Variants in STARD8 observed in about 807,000 individuals in gnomAD.
STARD8 encodes the protein StAR related lipid transfer domain containing 8, also known as stAR-related lipid transfer protein 8.
A neutral mutation model predicts 69.4 loss-of-function variants in STARD8; 25 were observed. The ratio of observed to expected loss-of-function variants is 0.36; its 90% CI spans 0.26 to 0.50. The LOEUF is 0.50. STARD8 is among the 20% of genes least tolerant of loss of function. STARD8 has a pLI of 0.96. For synonymous variants in STARD8, 389 were observed against 374.6 expected, an observed-to-expected ratio of 1.04 and a Z score of -0.45; for missense variants, 921 against 932.5, an observed-to-expected ratio of 0.99 and a Z score of 0.16.
chrX:68,663,809 C>T (rs934606971), intron 1 of STARD8, among the ~76,000 whole-genome samples: 2 of 111,767 alleles, frequency 1.8e-5, no homozygotes, highest in African/African-American at 6.5e-5. Context: ...TTGTAGCAAA[C>T]TTTCATATCT....
Position 68,722,322 on chromosome X carries a change from G to A in STARD8, c.2575-100G>A. On this transcript the variant is annotated intron_variant, in intron 11 of 14. Coordinates refer to ENST00000374599, the MANE Select transcript of STARD8 (RefSeq NM_001142503.3). ...CAATGTTTCTCATCTACCTTGCTGTGGTAGCTGCACCTCTCCACTGCCCTT... is the reference window on the plus strand; with the variant it reads ...CAATGTTTCTCATCTACCTTGCTGTAGTAGCTGCACCTCTCCACTGCCCTT... The A allele has an allele frequency of 1.1e-5, 10 of 872,934 alleles. No homozygotes were observed. In the South Asian group the frequency reaches 1.8e-4, roughly 15 times the overall value. 71.9% of individuals were successfully genotyped at this position (872,934 alleles called of 1,213,427 possible). A position where few individuals can be genotyped will look rare whatever the true frequency, so the allele number is the denominator to read the frequency against.
chrX:68,693,966 G>A (rs1481094902), intron 2 of STARD8: 1 of 437,926 alleles, frequency 2.3e-6, no homozygotes, highest in African/African-American at 2.6e-5. Context: ...GCAAGAGACA[G>A]GGAGGAAGCG....
rs968332662 is a variant in STARD8 at position 68,647,680 on chromosome X, A to G, written c.-203A>G. On this transcript the variant is annotated 5_prime_UTR_variant, in exon 1 of 15. Coordinates refer to ENST00000374599, the MANE Select transcript of STARD8 (RefSeq NM_001142503.3). ...TTCCCTCCCTCGGTGGCCTTCCAGG[A>G]GGCGGGAGGCGCCCGCTGTCGAGGC... 2 of 441,968 alleles carry G rather than the reference A, an allele frequency of 4.5e-6. No homozygotes were observed. Among genetic ancestry groups the G allele is most frequent in the South Asian group, 7.6e-5 (2 of 26,290 alleles). 36.4% of individuals were successfully genotyped at this position (441,968 alleles called of 1,213,427 possible). A position where few individuals can be genotyped will look rare whatever the true frequency, so the allele number is the denominator to read the frequency against.
At chrX:68,682,827 G>A (rs1010618304) in intron 2 of STARD8, among the ~76,000 whole-genome samples, 5 of 112,601 alleles carry the variant, frequency 4.4e-5, no homozygotes, top group African/African-American at 9.7e-5. Context: ...TGCCACCTGC[G>A]TTAACTGGGC....
At chrX:68,655,017 G>A (rs1468502524) in intron 1 of STARD8, among the ~76,000 whole-genome samples, 1 of 112,113 alleles carries the variant, frequency 8.9e-6, no homozygotes, top group Non-Finnish European at 1.9e-5. Flanking sequence ...AGGGGCAGGG[G>A]GAGTATAGAG....
At position 68,660,926 on chromosome X, in the gene STARD8, G is replaced by C. The variant is rs753188507; in HGVS notation, c.46-4573G>C. ...CCACTCTGGAAGAAGGGAGGGCCAA[G>C]CTGTGAATAGGGCTCTGTGTGGCCC... is the stretch of plus-strand genomic sequence containing the variant. On this transcript the variant is annotated intron_variant, in intron 1 of 14. Coordinates refer to ENST00000374599, the MANE Select transcript of STARD8 (RefSeq NM_001142503.3). Among the ~76,000 whole-genome samples, 318 of 112,143 alleles carry C rather than the reference G, an allele frequency of 2.8e-3. 2 individuals are homozygous for C. The highest frequency in any genetic ancestry group is 8.7e-3 in the African/African-American group (269 of 30,863).
chrX:68,672,135 T>A lies in STARD8; in HGVS notation c.79+6603T>A, dbSNP rs1277194679. On this transcript the variant is annotated intron_variant, in intron 2 of 14. Transcript: ENST00000374599. ...TATGGTGAAGCATCCTTTTTCATTC[T>A]ATACTGTTAAAAGTTCTTTATATTG... is the stretch of plus-strand genomic sequence containing the variant. 4.5e-5 allele frequency among the ~76,000 whole-genome samples: 5 copies of A among 111,736 alleles called. No homozygotes were observed. The East Asian group carries it at 1.4e-3, about 31-fold the overall frequency.
intron 4 of STARD8, 108 bp from the exon 5 acceptor site, chrX:68,716,260 C>A: frequency 1.4e-6 from 1 of 712,937 alleles, no homozygotes. Context: ...TTGGAGCTTG[C>A]GAGAAGTTTT....
intron 2 of STARD8, among the ~76,000 whole-genome samples, chrX:68,678,395 C>T (rs751558383): frequency 2.7e-5 from 3 of 111,789 alleles, no homozygotes; most frequent in South Asian, 3.8e-4. Flanking sequence ...CCAAACCAGA[C>T]GAATGGAGGA....
chrX:68,718,650 G>A, intron 6 of STARD8, 21 bp downstream of exon 6: 1 of 1,166,096 alleles, frequency 8.6e-7, no homozygotes. Context: ...GGGTTGGGAT[G>A]GGGCGGACGC....
At position 68,717,854 on chromosome X, in the gene STARD8, C is replaced by G. The variant is rs1317192979; in HGVS notation, c.940C>G (p.Leu314Val). Residue 314 changes from leucine to valine, a missense_variant, in exon 6 of 15, where the codon CTG (leucine) becomes GTG (valine). Transcript: ENST00000374599. Reference sequence around the variant, plus strand: ...CAAACCAGGCACATTCCCTCGCTCCCTGTCCATTGAGAGCCTGTGTCCTGA... The same window carrying G: ...CAAACCAGGCACATTCCCTCGCTCCGTGTCCATTGAGAGCCTGTGTCCTGA... ...DHKPGTFPRS[L>V]SIESLCPEDG... 8.3e-7 allele frequency: 1 copy of G among 1,210,589 alleles called. No homozygotes were observed. The highest frequency in any genetic ancestry group is 1.1e-6 in the Non-Finnish European group (1 of 894,834).
rs2080162415 is a variant in STARD8 at position 68,722,703 on chromosome X, G to A, written c.2799+57G>A. The A allele has an allele frequency of 5.3e-6, 6 of 1,132,649 alleles. No homozygotes were observed. The African/African-American group carries it at 7.2e-5, about 14-fold the overall frequency. The allele number at this position is 1,132,649 out of a possible 1,213,427, so 93.3% of individuals were successfully genotyped here. A position where few individuals can be genotyped will look rare whatever the true frequency, so the allele number is the denominator to read the frequency against. On this transcript the variant is annotated intron_variant, in intron 12 of 14. Coordinates refer to ENST00000374599, the MANE Select transcript of STARD8 (RefSeq NM_001142503.3). The stretch of plus-strand genomic sequence containing the variant: ...GGCTGGGAGAGCATGGTGCAGGCAA[G>A]GGTAGTCAGAGAACCCAAAGGAAGG...
intron 1 of STARD8, among the ~76,000 whole-genome samples, chrX:68,653,883 A>T (rs2079595604): frequency 8.9e-6 from 1 of 112,046 alleles, no homozygotes. Flanking sequence ...TGTTATGCAC[A>T]TAAGGGGTGC....
chrX:68,671,352 T>C (rs1310914985), intron 2 of STARD8, among the ~76,000 whole-genome samples: 1 of 112,415 alleles, frequency 8.9e-6, no homozygotes, highest in Non-Finnish European at 1.9e-5. Context: ...ATCTTGTCCA[T>C]AGCTATTACA....
intron 2 of STARD8, among the ~76,000 whole-genome samples, chrX:68,675,704 C>T (rs1249798381): frequency 1.8e-5 from 2 of 111,287 alleles, no homozygotes; most frequent in African/African-American, 6.5e-5. Context: ...CCAGCTCCAC[C>T]TCCACTCCAG....
At chrX:68,653,102 C>A (rs1378745486) in intron 1 of STARD8, among the ~76,000 whole-genome samples, 1 of 15,537 alleles carries the variant, frequency 6.4e-5, no homozygotes, top group Admixed American at 1.0e-3. Flanking sequence ...CCACACACAC[C>A]ACACACACAC....
chrX:68,668,684 A>G (rs1213457040), intron 2 of STARD8, among the ~76,000 whole-genome samples: 1 of 111,032 alleles, frequency 9.0e-6, no homozygotes, highest in Non-Finnish European at 1.9e-5. Context: ...CAAAAGAATG[A>G]CCTGAATTAC....
At chrX:68,650,485 GGAGGA>G (rs2079540935) in intron 1 of STARD8, among the ~76,000 whole-genome samples, 2 of 64,865 alleles carry the variant, frequency 3.1e-5, no homozygotes, top group African/African-American at 8.5e-4. Flanking sequence ...GAGGAGGGGA[GGAGGA>G]GGAGGAGGAG....
chrX:68,650,782 C>A (rs868073452), intron 1 of STARD8, among the ~76,000 whole-genome samples: 5 of 88,698 alleles, frequency 5.6e-5, no homozygotes, highest in Non-Finnish European at 1.1e-4. Context: ...GGCTATGTCT[C>A]AAACAAAACA....
Sources: gnomAD v4.1 joint callset for allele counts (sites outside exome capture counted in the v4.1 genomes callset) on GRCh38, gnomAD v4.1.1 for gene constraint, MANE v1.5 for transcripts, NCBI Gene and HGNC (gene_info 2026-07-23, HGNC 2026-07-21) for gene names.